The following CHST15 variants were observed in gnomAD, a reference collection of about 807,000 sequenced individuals.
CHST15 encodes carbohydrate sulfotransferase 15.
Under a neutral mutation model 53.6 loss-of-function variants are expected in CHST15, and 30 were observed. The observed-to-expected ratio is 0.56, with a 90% CI of 0.42 to 0.76. The LOEUF is 0.76. Ranked by LOEUF, CHST15 falls within the 30% of genes least tolerant of loss-of-function variation. The pLI is 0.00. For synonymous variants in CHST15, 296 were observed against 289.8 expected (o/e 1.02, Z -0.22); for missense variants, 627 against 740.5 (o/e 0.85, Z 1.78).
chr10:124,020,636 C>G lies in CHST15; in HGVS notation c.1347+620G>C, dbSNP rs548375850. 9.1e-6 allele frequency: 9 copies of G among 988,624 alleles called. No homozygotes were observed. In the South Asian group the frequency reaches 1.9e-4, roughly 20 times the overall value. The allele number at this position is 988,624 out of a possible 1,614,324, so 61.2% of individuals were successfully genotyped here. ...CTCTGGAACACGCAGCGGCAATGCT[C>G]GCTGCATAAGCCCTGCTGTTGAAGT... On this transcript the variant is annotated intron_variant, in intron 6 of 7. Coordinates refer to ENST00000435907, the MANE Select transcript of CHST15 (RefSeq NM_001270764.2).
At chr10:124,022,037 C>T (rs1373023185) in intron 5 of CHST15, among the ~76,000 whole-genome samples, 2 of 152,234 alleles carry the variant, frequency 1.3e-5, no homozygotes, top group Non-Finnish European at 2.9e-5. Flanking sequence ...TGTTCCTAGA[C>T]ACCACACACA....
At chr10:124,032,536 T>C (rs1947262989) in intron 5 of CHST15, among the ~76,000 whole-genome samples, 1 of 152,174 alleles carries the variant, frequency 6.6e-6, no homozygotes, top group African/African-American at 2.4e-5. Flanking sequence ...ATCAACTGTC[T>C]CACAAATGAA....
At chr10:124,015,139 A>C (rs570482163) in intron 6 of CHST15, among the ~76,000 whole-genome samples, 17 of 152,258 alleles carry the variant, frequency 1.1e-4, no homozygotes, top group African/African-American at 4.1e-4. Context: ...CTGAAGTGAC[A>C]GTTTCTGGTG....
At chr10:124,079,404 G>A (rs995827123) in intron 1 of CHST15, among the ~76,000 whole-genome samples, 4 of 152,236 alleles carry the variant, frequency 2.6e-5, no homozygotes, top group African/African-American at 9.6e-5. Flanking sequence ...TCTTGGGTGT[G>A]GTTTCCACAA....
At chr10:124,044,368 T>C (rs1388552210) in intron 3 of CHST15, among the ~76,000 whole-genome samples, 1 of 152,212 alleles carries the variant, frequency 6.6e-6, no homozygotes, top group Non-Finnish European at 1.5e-5. Context: ...CGTCCCCGTG[T>C]CCTGCACACA....
chr10:124,067,759 G>A (rs369421722), intron 1 of CHST15, among the ~76,000 whole-genome samples: 1 of 152,252 alleles, frequency 6.6e-6, no homozygotes, highest in East Asian at 1.9e-4. Context: ...TGGGATTACA[G>A]GCGACCACCA....
chr10:124,025,205 C>T (rs1946949316), intron 5 of CHST15, among the ~76,000 whole-genome samples: 1 of 152,236 alleles, frequency 6.6e-6, no homozygotes, highest in African/African-American at 2.4e-5. Flanking sequence ...TACAATTCTT[C>T]AGAGATCAAG....
Position 124,031,278 on chromosome 10 carries a change from T to A in CHST15, c.1190+7237A>T, listed in dbSNP as rs548025258. Among the ~76,000 whole-genome samples, 5 of 152,330 alleles carry A rather than the reference T, an allele frequency of 3.3e-5. No individual in the cohort carries two copies. In the South Asian group the frequency reaches 1.0e-3, roughly 32 times the overall value. On this transcript the variant is annotated intron_variant, in intron 5 of 7. Transcript: ENST00000435907. ...TTTCCTCTCCTATGTACAGCTTGCA[T>A]CTAGCACATCAAGGGTGTTCAATAA... is the stretch of plus-strand genomic sequence containing the variant.
chr10:124,076,445 G>C (rs1450873942), intron 1 of CHST15, among the ~76,000 whole-genome samples: 1 of 152,176 alleles, frequency 6.6e-6, no homozygotes, highest in Non-Finnish European at 1.5e-5. Context: ...TCAGCTCAAC[G>C]GGCATTTCCT....
chr10:124,060,458 A>T (rs1948529688), intron 1 of CHST15, among the ~76,000 whole-genome samples: 1 of 135,278 alleles, frequency 7.4e-6, no homozygotes, highest in East Asian at 2.3e-4. Flanking sequence ...CAGCCCCACC[A>T]GGGGTGTGTG....
At chr10:124,086,005 G>A (rs997819055) in intron 1 of CHST15, among the ~76,000 whole-genome samples, 2 of 152,176 alleles carry the variant, frequency 1.3e-5, no homozygotes, top group African/African-American at 4.8e-5. Flanking sequence ...CCTGTGGGGG[G>A]CTGGGACCAA....
At chr10:124,088,572 A>T (rs1409985691) in intron 1 of CHST15, among the ~76,000 whole-genome samples, 2 of 151,392 alleles carry the variant, frequency 1.3e-5, no homozygotes, top group Non-Finnish European at 2.9e-5. Flanking sequence ...TCACCCCCTT[A>T]TTTCCCTCCT....
rs375087476 is a variant in CHST15 at position 124,084,235 on chromosome 10, C to A, written c.-513+9234G>T. ...GGACAAAGGAAGCCCTTGGTACCTG[C>A]CTCTCGGGGAGTCACAGCTGAGGGC... On this transcript the variant is annotated intron_variant, in intron 1 of 7. Coordinates refer to ENST00000435907, the MANE Select transcript of CHST15 (RefSeq NM_001270764.2). Among the ~76,000 whole-genome samples, 28 of 152,294 alleles carry A rather than the reference C, an allele frequency of 1.8e-4. No homozygotes were observed. In the South Asian group the frequency reaches 5.2e-3, roughly 28 times the overall value.
At chr10:124,081,559 GT>G (rs1949240954) in intron 1 of CHST15, among the ~76,000 whole-genome samples, 1 of 152,194 alleles carries the variant, frequency 6.6e-6, no homozygotes, top group Non-Finnish European at 1.5e-5. Context: ...TCTTATTACA[GT>G]TGTAAAGGTG....
chr10:124,007,973 A>T lies in CHST15; in HGVS notation c.*2176T>A. ...AATGAGAGGAAGCAGAGGCAGCCGA[A>T]GTGCCCTCTGGAGAGAAAGGCCCCT... is the stretch of plus-strand genomic sequence containing the variant. On this transcript the variant is annotated 3_prime_UTR_variant, in exon 8 of 8. Transcript: ENST00000435907. 1 of 1,164,984 alleles carries T rather than the reference A, an allele frequency of 8.6e-7. No homozygotes were observed. The highest frequency in any genetic ancestry group is 1.0e-6 in the Non-Finnish European group (1 of 965,150). The allele number at this position is 1,164,984 out of a possible 1,614,324, so 72.2% of individuals were successfully genotyped here. A position where few individuals can be genotyped will look rare whatever the true frequency, so the allele number is the denominator to read the frequency against.
chr10:124,020,322 G>T (rs192922698), intron 6 of CHST15: 48 of 985,464 alleles, frequency 4.9e-5, no homozygotes, highest in Admixed American at 6.1e-5. Context: ...CACACCAATG[G>T]CTGGTTCCAA....
At chr10:124,034,682 A>G (rs1211377270) in intron 5 of CHST15, among the ~76,000 whole-genome samples, 2 of 113,734 alleles carry the variant, frequency 1.8e-5, no homozygotes, top group African/African-American at 7.4e-5. Context: ...ACCCCCTAAC[A>G]GGGACCCCGG....
At chr10:124,087,181 C>A (rs1949458239) in intron 1 of CHST15, among the ~76,000 whole-genome samples, 1 of 152,152 alleles carries the variant, frequency 6.6e-6, no homozygotes, top group Non-Finnish European at 1.5e-5. Context: ...CAGGCTCTGG[C>A]CTCCTAGCAA....
intron 1 of CHST15, among the ~76,000 whole-genome samples, chr10:124,065,679 C>G (rs1369237199): frequency 6.6e-6 from 1 of 152,204 alleles, no homozygotes; most frequent in African/African-American, 2.4e-5. Context: ...ACCTCAAGAG[C>G]CCCTTCCTGC....
Sources: gnomAD v4.1 joint callset for allele counts (sites outside exome capture counted in the v4.1 genomes callset) on GRCh38, gnomAD v4.1.1 for gene constraint, MANE v1.5 for transcripts, NCBI Gene and HGNC (gene_info 2026-07-23, HGNC 2026-07-21) for gene names.